ENAM: variants seen among roughly 807,000 people sequenced by gnomAD.
ENAM encodes the protein amelogenesis imperfecta 2, hypocalcification (autosomal dominant).
In ENAM, 21 loss-of-function variants were observed where a neutral mutation model predicts 33.6. That is an observed-to-expected ratio of 0.63 (90% CI 0.44 to 0.90). The LOEUF is 0.90. Among genes scored for constraint, ENAM ranks in the 40% least tolerant of loss-of-function variants. The pLI, the probability that ENAM is intolerant of heterozygous loss-of-function variation, is 0.00. For synonymous variants in ENAM, 473 were observed against 468.4 expected, an observed-to-expected ratio of 1.01 and a Z score of -0.13; for missense variants, 1,388 against 1,366.9, an observed-to-expected ratio of 1.02 and a Z score of -0.24.
At chr4:70,638,974 T>G (rs1428790529) in intron 8 of ENAM, among the ~76,000 whole-genome samples, 1 of 151,822 alleles carries the variant, frequency 6.6e-6, no homozygotes, top group Non-Finnish European at 1.5e-5. Flanking sequence ...ATCTTTGTAT[T>G]TTTTTAGAGA....
In ENAM at chr4:70,645,204, G is replaced by A; in HGVS notation, c.*349G>A. The A allele has an allele frequency of 2.2e-6, 1 of 461,092 alleles. No individual in the cohort carries two copies. The allele number at this position is 461,092 out of a possible 1,614,324, so 28.6% of individuals were successfully genotyped here. ...CATACTTGCAAAATTGGTTTTTCAAGACTGAAAGGCAGATTAACTTTCCAT... is the reference window on the plus strand; with the variant it reads ...CATACTTGCAAAATTGGTTTTTCAAAACTGAAAGGCAGATTAACTTTCCAT... On this transcript the variant is annotated 3_prime_UTR_variant, in exon 9 of 9. Coordinates refer to ENST00000396073, the MANE Select transcript of ENAM (RefSeq NM_031889.3).
At chr4:70,635,790 C>A (rs1175434361) in intron 6 of ENAM, 42 bp from the exon 7 acceptor site, 1 of 1,265,744 alleles carries the variant, frequency 7.9e-7, no homozygotes, top group South Asian at 1.2e-5. Flanking sequence ...TTTATGTATT[C>A]TTTTCAATAC....
Position 70,643,890 on chromosome 4 carries a change from A to G in ENAM, c.2464A>G (p.Ile822Val), listed in dbSNP as rs745321236. The change falls in exon 9 of 9, where the codon ATA becomes GTA. Residue 822 changes from isoleucine (I) to valine (V), a missense_variant. Physicochemically the swap from Ile to Val is conservative, Grantham distance 29. Transcript: ENST00000396073. ...CCCAGCTGGGCTTCAGAAAAATCCAATATGGCATGAAGGTGAGAATTTGAA... is the reference window on the plus strand; with the variant it reads ...CCCAGCTGGGCTTCAGAAAAATCCAGTATGGCATGAAGGTGAGAATTTGAA... Reference protein sequence around the residue: ...NTPAGLQKNPIWHEGENLNYG... With the variant: ...NTPAGLQKNPVWHEGENLNYG... 6.2e-7 allele frequency: 1 copy of G among 1,614,224 alleles called. No homozygotes were observed. Among genetic ancestry groups the G allele is most frequent in the Non-Finnish European group, 8.5e-7 (1 of 1,180,024 alleles).
chr4:70,632,849 C>T (rs1738359299), intron 5 of ENAM, among the ~76,000 whole-genome samples, 157 bp downstream of exon 5: 2 of 152,052 alleles, frequency 1.3e-5, no homozygotes. Flanking sequence ...TGCCCCTATC[C>T]TCTCACACCA....
chr4:70,630,765 A>G (rs1414079027), intron 2 of ENAM, among the ~76,000 whole-genome samples: 4 of 149,552 alleles, frequency 2.7e-5, no homozygotes, highest in African/African-American at 9.9e-5. Context: ...TTTTTGAGAC[A>G]GAGTCTCACT....
chr4:70,630,572 T>G (rs574177587), intron 2 of ENAM, among the ~76,000 whole-genome samples: 4 of 152,322 alleles, frequency 2.6e-5, no homozygotes, highest in African/African-American at 9.6e-5. Context: ...ATTTTACAAG[T>G]CTTTCATAAT....
chr4:70,631,559 C>G, intron 2 of ENAM, 111 bp from the exon 3 acceptor site: 1 of 825,062 alleles, frequency 1.2e-6, no homozygotes, highest in Non-Finnish European at 2.1e-6. Flanking sequence ...GGGCCCCATC[C>G]ATTTCCATAC....
At position 70,643,527 on chromosome 4, in the gene ENAM, C is replaced by T. The variant is rs539990971; in HGVS notation, c.2101C>T (p.Pro701Ser). 1 of 1,613,918 alleles carries T rather than the reference C, an allele frequency of 6.2e-7. No homozygotes were observed. The highest frequency in any genetic ancestry group is 1.7e-5 in the Admixed American group (1 of 60,006). ...YTSNQPKEYL[P>S]YSLDNPSKPR... Reference sequence around the variant, plus strand: ...CTCAAATCAGCCAAAGGAATATCTTCCCTATTCTTTAGATAATCCATCAAA... The same window carrying T: ...CTCAAATCAGCCAAAGGAATATCTTTCCTATTCTTTAGATAATCCATCAAA... Residue 701 changes from proline to serine, a missense_variant, in exon 9 of 9, where the codon CCC becomes TCC. By Grantham distance (74) the Pro-to-Ser change is moderately conservative. Coordinates refer to ENST00000396073, the MANE Select transcript of ENAM (RefSeq NM_031889.3).
intron 5 of ENAM, 133 bp downstream of exon 5, chr4:70,632,825 G>A: frequency 9.5e-6 from 7 of 735,058 alleles, no homozygotes; most frequent in Non-Finnish European, 1.7e-5. Context: ...AAAGTTTCAA[G>A]GTGGAAAAAT....
chr4:70,643,964 A>G lies in ENAM; in HGVS notation c.2538A>G (p.Ser846=), dbSNP rs1313026374. 6.2e-7 allele frequency: 1 copy of G among 1,614,158 alleles called. No individual in the cohort carries two copies. The highest frequency in any genetic ancestry group is 8.5e-7 in the Non-Finnish European group (1 of 1,180,022). Residue 846 remains serine (S), a synonymous_variant, in exon 9 of 9, where the codon TCA becomes TCG. Transcript: ENST00000396073. ...TRMNSPEREH[S]SFPNFIPPSY... Reference sequence around the variant, plus strand: ...TGAATTCTCCAGAGAGAGAACATTCATCTTTCCCTAACTTCATCCCACCAA... The same window carrying G: ...TGAATTCTCCAGAGAGAGAACATTCGTCTTTCCCTAACTTCATCCCACCAA...
Position 70,645,813 on chromosome 4 carries a change from C to G in ENAM, c.*958C>G, listed in dbSNP as rs1738745988. Reference sequence around the variant, plus strand: ...TTTTTAGTTATCTTAGGGTCTCTACCAAGTAGACACAGTTCAGTTAGAGAG... The same window carrying G: ...TTTTTAGTTATCTTAGGGTCTCTACGAAGTAGACACAGTTCAGTTAGAGAG... On this transcript the variant is annotated 3_prime_UTR_variant, in exon 9 of 9. Coordinates refer to ENST00000396073, the MANE Select transcript of ENAM (RefSeq NM_031889.3). 6.6e-6 allele frequency: 1 copy of G among 152,084 alleles called. No individual in the cohort carries two copies. The highest frequency in any genetic ancestry group is 2.4e-5 in the African/African-American group (1 of 41,396). 9.4% of individuals were successfully genotyped at this position (152,084 alleles called of 1,614,324 possible).
chr4:70,642,168 G>A lies in ENAM; in HGVS notation c.742G>A (p.Val248Ile). 6.2e-7 allele frequency: 1 copy of A among 1,614,136 alleles called. No individual in the cohort carries two copies. The highest frequency in any genetic ancestry group is 8.5e-7 in the Non-Finnish European group (1 of 1,180,026). Reference protein sequence around the residue: ...PGTEPTANSTVTETNSTQPNP... With the variant: ...PGTEPTANSTITETNSTQPNP... The stretch of plus-strand genomic sequence containing the variant: ...CACAGAACCCACAGCTAATTCAACA[G>A]TCACTGAGACGAATTCTACCCAACC... Residue 248 changes from valine (V) to isoleucine (I), a missense_variant, in exon 9 of 9, where the codon GTC becomes ATC. Transcript: ENST00000396073.
rs148815217 is a variant in ENAM, at chr4:70,644,213, A to C, written c.2787A>C (p.Leu929=). The C allele has an allele frequency of 3.7e-6, 6 of 1,614,158 alleles. No homozygotes were observed. Among genetic ancestry groups the C allele is most frequent in the Non-Finnish European group, 5.1e-6 (6 of 1,180,022 alleles). ...ATATCATCTCCCCAACAAGCATCCTACCAGGCCAAAGAAACAGCTCAGAGA... is the reference window on the plus strand; with the variant it reads ...ATATCATCTCCCCAACAAGCATCCTCCCAGGCCAAAGAAACAGCTCAGAGA... The part of the protein sequence containing the change: ...TRDIISPTSI[L]PGQRNSSEKR... The change falls in exon 9 of 9, where the codon CTA becomes CTC. Residue 929 remains leucine, a synonymous_variant. Coordinates refer to ENST00000396073, the MANE Select transcript of ENAM (RefSeq NM_031889.3).
rs908286997 is a variant in ENAM at position 70,646,223 on chromosome 4, T to C, written c.*1368T>C. On this transcript the variant is annotated 3_prime_UTR_variant, in exon 9 of 9. Transcript: ENST00000396073. ...AGTGGATATTTCTATATGCCTTGCT[T>C]ATAATACATCAGGGATTATTATTCT... is the stretch of plus-strand genomic sequence containing the variant. 2 of 152,210 alleles carry C rather than the reference T, an allele frequency of 1.3e-5. No homozygotes were observed. Among genetic ancestry groups the C allele is most frequent in the African/African-American group, 4.8e-5 (2 of 41,450 alleles). 9.4% of individuals were successfully genotyped at this position (152,210 alleles called of 1,614,324 possible). A position where few individuals can be genotyped will look rare whatever the true frequency, so the allele number is the denominator to read the frequency against.
intron 8 of ENAM, 31 bp from the exon 9 acceptor site, chr4:70,641,984 C>A (rs756509291): frequency 2.6e-6 from 4 of 1,517,378 alleles, no homozygotes; most frequent in Non-Finnish European, 3.7e-6. Context: ...AAACAAAGGG[C>A]AATTATTGAT....
chr4:70,635,065 T>C (rs1738416924), intron 6 of ENAM, among the ~76,000 whole-genome samples: 1 of 152,078 alleles, frequency 6.6e-6, no homozygotes, highest in Admixed American at 6.6e-5. Flanking sequence ...TCATCCAGTG[T>C]GGAGGGAGCT....
At position 70,644,700 on chromosome 4, in the gene ENAM, A is replaced by G. The variant is rs781318826; in HGVS notation, c.3274A>G (p.Asn1092Asp). ...TGGGGATTCAATTACGCCTACTGAAAATCCTAACACATTGGTTGAGTTAGC... is the reference window on the plus strand; with the variant it reads ...TGGGGATTCAATTACGCCTACTGAAGATCCTAACACATTGGTTGAGTTAGC... ...FDGDSITPTE[N>D]PNTLVELATE... The change falls in exon 9 of 9, where the codon AAT becomes GAT. Residue 1092 changes from asparagine to aspartate, a missense_variant. Transcript: ENST00000396073. 2 of 1,614,218 alleles carry G rather than the reference A, an allele frequency of 1.2e-6. No individual in the cohort carries two copies. Among genetic ancestry groups the G allele is most frequent in the Non-Finnish European group, 1.7e-6 (2 of 1,180,026 alleles).
Position 70,643,743 on chromosome 4 carries a change from C to G in ENAM, c.2317C>G (p.Gln773Glu). ...TTCCTGGGACCACAGGATACAAGCC[C>G]AAGGGCAGAGAGAAAGAAGGCCGTA... is the stretch of plus-strand genomic sequence containing the variant. ...RNSWDHRIQA[Q>E]GQRERRPYFN... Residue 773 changes from glutamine (Q) to glutamate (E), a missense_variant, in exon 9 of 9, where the codon CAA becomes GAA. Gln to Glu is a conservative substitution (Grantham distance 29). Transcript: ENST00000396073. The G allele has an allele frequency of 6.2e-7, 1 of 1,614,130 alleles. No individual in the cohort carries two copies.
At position 70,643,518 on chromosome 4, in the gene ENAM, G is replaced by A. The variant is rs1332511512; in HGVS notation, c.2092G>A (p.Glu698Lys). 1 of 1,613,934 alleles carries A rather than the reference G, an allele frequency of 6.2e-7. No individual in the cohort carries two copies. Among genetic ancestry groups the A allele is most frequent in the East Asian group, 2.2e-5 (1 of 44,878 alleles). Residue 698 changes from glutamate to lysine, a missense_variant, in exon 9 of 9, where the codon GAA (glutamate) becomes AAA (lysine). Physicochemically the swap from Glu to Lys is moderately conservative, Grantham distance 56. Coordinates refer to ENST00000396073, the MANE Select transcript of ENAM (RefSeq NM_031889.3). ...ACAATATACCTCAAATCAGCCAAAG[G>A]AATATCTTCCCTATTCTTTAGATAA... ...GEQYTSNQPK[E>K]YLPYSLDNPS...
Sources: allele counts gnomAD v4.1 joint callset (sites outside exome capture counted in the v4.1 genomes callset), GRCh38; gene constraint gnomAD v4.1.1; transcripts MANE v1.5; gene names NCBI Gene and HGNC (gene_info 2026-07-23, HGNC 2026-07-21).